The following RNLS variants were observed in gnomAD, a reference collection of about 807,000 sequenced individuals.
The protein encoded by RNLS is renalase.
A neutral mutation model predicts 39.8 loss-of-function variants in RNLS; 39 were observed. That is an observed-to-expected ratio of 0.98 (90% CI 0.76 to 1.28). The LOEUF (loss-of-function observed/expected upper bound fraction) is 1.28, where lower values mean the gene tolerates loss of function less well. Among genes scored for constraint, RNLS ranks in the 50% most tolerant of loss-of-function variants. RNLS has a pLI of 0.00. For missense variants in RNLS, 410 were observed against 413.3 expected (o/e 0.99, Z 0.07); for synonymous variants, 147 against 150.7 (o/e 0.98, Z 0.18).
chr10:88,319,731 CA>C (rs1283166924), intron 5 of RNLS, among the ~76,000 whole-genome samples: 2 of 150,808 alleles, frequency 1.3e-5, no homozygotes, highest in Non-Finnish European at 3.0e-5. Flanking sequence ...TCCAGTCAGA[CA>C]AAAATAAAAA....
chr10:88,399,692 G>A (rs571447511), intron 4 of RNLS, among the ~76,000 whole-genome samples: 2 of 152,078 alleles, frequency 1.3e-5, no homozygotes, highest in Admixed American at 1.3e-4. Flanking sequence ...ATTATACAGA[G>A]GTGCTTGTTA....
intron 4 of RNLS, among the ~76,000 whole-genome samples, chr10:88,477,695 A>G (rs1459228468): frequency 6.6e-6 from 1 of 152,222 alleles, no homozygotes; most frequent in African/African-American, 2.4e-5. Context: ...AAGGCTTCAC[A>G]TGCATCATCC....
intron 4 of RNLS, among the ~76,000 whole-genome samples, chr10:88,459,821 G>A (rs995714226): frequency 5.9e-5 from 9 of 152,084 alleles, no homozygotes; most frequent in African/African-American, 1.9e-4. Flanking sequence ...CGATTAAAGG[G>A]CACTGAATCA....
chr10:88,453,437 G>A (rs538663337), intron 4 of RNLS, among the ~76,000 whole-genome samples: 52 of 152,342 alleles, frequency 3.4e-4, no homozygotes, highest in African/African-American at 1.2e-3. Context: ...TATTGCAGCT[G>A]CAAAGGTCTC....
the RNLS span, among the ~76,000 whole-genome samples, chr10:88,197,097 A>G: frequency 6.6e-6 from 1 of 152,228 alleles, no homozygotes; most frequent in African/African-American, 2.4e-5. Flanking sequence ...TTGGGATCCA[A>G]TCTTGGAAAT....
the RNLS span, among the ~76,000 whole-genome samples, chr10:88,200,650 T>C: frequency 0.054 from 8,168 of 152,282 alleles, 271 homozygotes; most frequent in Middle Eastern, 0.082. Context: ...TTAATTCCTA[T>C]TGAGCAGGGA....
chr10:88,486,892 C>T (rs962050267), intron 4 of RNLS, among the ~76,000 whole-genome samples: 6 of 152,068 alleles, frequency 3.9e-5, no homozygotes, highest in African/African-American at 1.4e-4. Flanking sequence ...AATCATTCTA[C>T]CATAAAGACA....
At chr10:88,367,001 C>A (rs764748118) in intron 4 of RNLS, among the ~76,000 whole-genome samples, 1 of 151,846 alleles carries the variant, frequency 6.6e-6, no homozygotes, top group Non-Finnish European at 1.5e-5. Flanking sequence ...TCAACTAACT[C>A]ATTAAAACTT....
At chr10:88,359,823 C>T (rs1849497112) in intron 5 of RNLS, among the ~76,000 whole-genome samples, 1 of 152,110 alleles carries the variant, frequency 6.6e-6, no homozygotes, top group Non-Finnish European at 1.5e-5. Context: ...TTTTACCCAC[C>T]ATCCCACTCC....
chr10:88,203,570 C>T, the RNLS span, among the ~76,000 whole-genome samples: 3 of 148,692 alleles, frequency 2.0e-5, no homozygotes, highest in Non-Finnish European at 4.5e-5. Context: ...CAGAATTACA[C>T]AGGAAGCCTG....
intron 4 of RNLS, among the ~76,000 whole-genome samples, chr10:88,496,112 G>A (rs2134086067): frequency 6.6e-6 from 1 of 152,182 alleles, no homozygotes; most frequent in South Asian, 2.1e-4. Flanking sequence ...GCTTCTGGAA[G>A]GGGAGAAGTA....
chr10:88,300,392 T>A (rs908306467), intron 6 of RNLS, among the ~76,000 whole-genome samples: 1 of 152,224 alleles, frequency 6.6e-6, no homozygotes, highest in African/African-American at 2.4e-5. Context: ...CCAAGTTCAA[T>A]TTCAGCCAAA....
chr10:88,291,575 G>A (rs1339892446), intron 6 of RNLS, among the ~76,000 whole-genome samples: 3 of 152,108 alleles, frequency 2.0e-5, no homozygotes, highest in Non-Finnish European at 2.9e-5. Flanking sequence ...TCTCTCTTCC[G>A]TGCCTCAGGC....
the RNLS span, among the ~76,000 whole-genome samples, chr10:88,250,515 T>C: frequency 2.6e-5 from 4 of 152,202 alleles, no homozygotes; most frequent in Non-Finnish European, 5.9e-5. Flanking sequence ...GCATTTACCA[T>C]GTCTACCAAG....
In RNLS at chr10:88,294,023, T is replaced by C. The variant is rs184340310; in HGVS notation, c.877-8517A>G. On this transcript the variant is annotated intron_variant, in intron 6 of 6. Transcript: ENST00000331772. ...AACACATGGTTCGTTTGTTCACCCA[T>C]GGTTAAATATTTAGGTAGTAACCAT... Among the ~76,000 whole-genome samples the C allele has an allele frequency of 3.0e-3, 462 of 152,334 alleles. 3 individuals carry two copies. Among genetic ancestry groups the C allele is most frequent in the African/African-American group, 0.011 (438 of 41,574 alleles).
At chr10:88,286,007 G>C (rs1843239201) in intron 6 of RNLS, among the ~76,000 whole-genome samples, 2 of 152,018 alleles carry the variant, frequency 1.3e-5, no homozygotes, top group African/African-American at 4.8e-5. Context: ...ATGAGAATGA[G>C]GGCTCTCACC....
intron 4 of RNLS, among the ~76,000 whole-genome samples, chr10:88,388,883 C>T (rs566429448): frequency 4.6e-5 from 7 of 152,210 alleles, no homozygotes; most frequent in Admixed American, 2.0e-4. Context: ...AACTATGTGT[C>T]GAATGAATAA....
chr10:88,203,223 AGTGTGTGTGTGTGTGTGT>A, the RNLS span, among the ~76,000 whole-genome samples: 3 of 11,222 alleles, frequency 2.7e-4, no homozygotes, highest in African/African-American at 1.2e-3. Context: ...GATAGCAAAA[AGTGTGTGTGTGTGTGTGT>A]GTGTGTGTGT....
At chr10:88,435,784 A>G (rs1554889818) in intron 4 of RNLS, among the ~76,000 whole-genome samples, 1 of 152,156 alleles carries the variant, frequency 6.6e-6, no homozygotes, top group African/African-American at 2.4e-5. Flanking sequence ...ATGTATGATC[A>G]CCTAGTCCAG....
Sources: gnomAD v4.1 joint callset for allele counts (sites outside exome capture counted in the v4.1 genomes callset) on GRCh38, gnomAD v4.1.1 for gene constraint, MANE v1.5 for transcripts, NCBI Gene and HGNC (gene_info 2026-07-23, HGNC 2026-07-21) for gene names.